RPH3A: variants seen among roughly 807,000 people sequenced by gnomAD.
RPH3A encodes rabphilin 3A, also known as rabphilin-3A.
RPH3A carries 48 observed loss-of-function variants against 102.2 expected under a neutral mutation model. The observed-to-expected ratio is 0.47, with a 90% CI of 0.37 to 0.60. The LOEUF (loss-of-function observed/expected upper bound fraction) is 0.60, where lower values mean the gene tolerates loss of function less well. Ranked by LOEUF, RPH3A falls within the 20% of genes least tolerant of loss-of-function variation. The pLI, the probability that RPH3A is intolerant of heterozygous loss-of-function variation, is 0.00. For synonymous variants in RPH3A, 310 were observed against 324.3 expected (o/e 0.96, Z 0.47); for missense variants, 781 against 910.1 (o/e 0.86, Z 1.83).
At chr12:112,748,815 T>C (rs1225055028) in intron 1 of RPH3A, among the ~76,000 whole-genome samples, 1 of 152,220 alleles carries the variant, frequency 6.6e-6, no homozygotes, top group Non-Finnish European at 1.5e-5. Flanking sequence ...GTTGACACAC[T>C]GTGCCAGAGG....
chr12:112,778,533 T>C (rs1002143965), intron 1 of RPH3A, among the ~76,000 whole-genome samples: 2 of 152,216 alleles, frequency 1.3e-5, no homozygotes, highest in African/African-American at 2.4e-5. Flanking sequence ...TTGAATAGGC[T>C]AAAGCAAAGC....
At position 112,776,487 on chromosome 12, in the gene RPH3A, C is replaced by T. The variant is rs182848402; in HGVS notation, c.-139-15656C>T. ...CCTGGTTAGGAAGCCTTGGTTCTATCTTATGTGGCTTCTCATCTTCCAGCA... is the reference window on the plus strand; with the variant it reads ...CCTGGTTAGGAAGCCTTGGTTCTATTTTATGTGGCTTCTCATCTTCCAGCA... On this transcript the variant is annotated intron_variant, in intron 1 of 21. Transcript: ENST00000543106. Among the ~76,000 whole-genome samples the T allele has an allele frequency of 3.1e-3, 476 of 152,072 alleles. 3 individuals are homozygous for T. Among genetic ancestry groups the T allele is most frequent in the African/African-American group, 0.011 (460 of 41,470 alleles).
chr12:112,664,945 G>A (rs982629455), intron 1 of RPH3A, among the ~76,000 whole-genome samples: 1 of 151,758 alleles, frequency 6.6e-6, no homozygotes, highest in East Asian at 1.9e-4. Flanking sequence ...GTTCCATGGC[G>A]GGGGTGGGGG....
At chr12:112,831,379 A>C (rs1353411316) in intron 3 of RPH3A, among the ~76,000 whole-genome samples, 2 of 152,160 alleles carry the variant, frequency 1.3e-5, no homozygotes, top group African/African-American at 2.4e-5. Context: ...ATTCATAACT[A>C]ATCATGTCTG....
chr12:112,800,721 T>C (rs2041327813), intron 2 of RPH3A, among the ~76,000 whole-genome samples: 1 of 151,800 alleles, frequency 6.6e-6, no homozygotes, highest in Non-Finnish European at 1.5e-5. Flanking sequence ...GGATCAGACA[T>C]AAGGGGAGAA....
chr12:112,755,654 T>C (rs1053816316), intron 1 of RPH3A, among the ~76,000 whole-genome samples: 4 of 152,044 alleles, frequency 2.6e-5, no homozygotes, highest in East Asian at 1.9e-4. Flanking sequence ...GGCCCTTGAA[T>C]GAAAAGGGAG....
Position 112,646,868 on chromosome 12 carries a change from T to C in RPH3A, c.-140+71549T>C, listed in dbSNP as rs184364375. Among the ~76,000 whole-genome samples, 123 of 152,298 alleles carry C rather than the reference T, an allele frequency of 8.1e-4. 1 individual carries two copies. Among genetic ancestry groups the C allele is most frequent in the South Asian group, 4.8e-3 (23 of 4,818 alleles). ...AGAGTCCCCAACTCACAGAGTTGGT[T>C]TGATGACCGATGTGGAGATGACCTT... is the stretch of plus-strand genomic sequence containing the variant. On this transcript the variant is annotated intron_variant, in intron 1 of 21. Coordinates refer to the RPH3A transcript ENST00000543106.
intron 5 of RPH3A, among the ~76,000 whole-genome samples, chr12:112,849,396 C>T (rs1291684355): frequency 6.7e-6 from 1 of 148,918 alleles, no homozygotes; most frequent in African/African-American, 2.5e-5. Flanking sequence ...GTGGGAAGTT[C>T]TCCAGACTGG....
chr12:112,877,459 C>CACA (rs1555219884), intron 13 of RPH3A, among the ~76,000 whole-genome samples: 2 of 146,276 alleles, frequency 1.4e-5, no homozygotes, highest in Non-Finnish European at 3.0e-5. Context: ...CACACACACA[C>CACA]CAGTGGCATT....
intron 2 of RPH3A, among the ~76,000 whole-genome samples, chr12:112,796,774 G>C (rs954345633): frequency 6.6e-6 from 1 of 152,238 alleles, no homozygotes; most frequent in Non-Finnish European, 1.5e-5. Context: ...TCCTGGCCCG[G>C]TGGGGTGGTT....
At chr12:112,753,271 A>G (rs986146955) in intron 1 of RPH3A, among the ~76,000 whole-genome samples, 1 of 152,124 alleles carries the variant, frequency 6.6e-6, no homozygotes, top group Non-Finnish European at 1.5e-5. Flanking sequence ...TTAATCCCCA[A>G]GTTTCAAATT....
chr12:112,832,204 T>A (rs111253247), intron 3 of RPH3A, among the ~76,000 whole-genome samples: 2,884 of 152,294 alleles, frequency 0.019, 75 homozygotes, highest in African/African-American at 0.059. Context: ...TTTGGGTAAT[T>A]TCTTCACGTC....
intron 3 of RPH3A, among the ~76,000 whole-genome samples, chr12:112,830,202 T>C (rs1009020080): frequency 7.2e-5 from 11 of 152,136 alleles, no homozygotes; most frequent in African/African-American, 2.7e-4. Context: ...ATTCAAATGA[T>C]CCCACAAGCT....
At chr12:112,637,308 G>C (rs2039855759) in intron 1 of RPH3A, among the ~76,000 whole-genome samples, 1 of 152,090 alleles carries the variant, frequency 6.6e-6, no homozygotes, top group Admixed American at 6.5e-5. Context: ...TGCCAAACAT[G>C]TGCAAAAGTA....
At chr12:112,831,081 T>A (rs893684110) in intron 3 of RPH3A, among the ~76,000 whole-genome samples, 2 of 151,232 alleles carry the variant, frequency 1.3e-5, no homozygotes, top group Non-Finnish European at 2.9e-5. Flanking sequence ...CCATAGGCAA[T>A]ATGCACATAA....
At chr12:112,871,411 A>G (rs529189259) in intron 10 of RPH3A, among the ~76,000 whole-genome samples, 1 of 152,056 alleles carries the variant, frequency 6.6e-6, no homozygotes, top group Admixed American at 6.5e-5. Flanking sequence ...GGTTTTGACT[A>G]CTCTAGGTAC....
intron 2 of RPH3A, among the ~76,000 whole-genome samples, chr12:112,824,168 A>G (rs935502658): frequency 6.6e-6 from 1 of 152,204 alleles, no homozygotes; most frequent in Non-Finnish European, 1.5e-5. Context: ...GCGTGGCTTC[A>G]CCTGAAGTCT....
At chr12:112,762,125 A>G (rs2040858224) in intron 1 of RPH3A, among the ~76,000 whole-genome samples, 1 of 152,172 alleles carries the variant, frequency 6.6e-6, no homozygotes, top group Non-Finnish European at 1.5e-5. Flanking sequence ...ATAAGTATTC[A>G]CTATATTACA....
chr12:112,757,860 C>A (rs1307639093), intron 1 of RPH3A, among the ~76,000 whole-genome samples: 4 of 152,174 alleles, frequency 2.6e-5, no homozygotes, highest in Non-Finnish European at 5.9e-5. Context: ...GAAGGTGTCA[C>A]ACTCAGCTTG....
Sources: gnomAD v4.1 joint callset for allele counts (sites outside exome capture counted in the v4.1 genomes callset) on GRCh38, gnomAD v4.1.1 for gene constraint, MANE v1.5 for transcripts, NCBI Gene and HGNC (gene_info 2026-07-23, HGNC 2026-07-21) for gene names.